The following GPATCH8 variants were observed in gnomAD, a reference collection of about 807,000 sequenced individuals.
GPATCH8 encodes G-patch domain containing 8, also known as G patch domain-containing protein 8.
Under a neutral mutation model 118.3 loss-of-function variants are expected in GPATCH8, and 18 were observed. The ratio of observed to expected loss-of-function variants is 0.15; its 90% confidence interval spans 0.11 to 0.23. The LOEUF (loss-of-function observed/expected upper bound fraction) is 0.23, where lower values mean the gene tolerates loss of function less well. GPATCH8 is among the 10% of genes least tolerant of loss of function. The pLI is 1.00. For missense variants in GPATCH8, 1,631 were observed against 1,873.8 expected, an observed-to-expected ratio of 0.87 and a Z score of 2.39; for synonymous variants, 659 against 684.7, an observed-to-expected ratio of 0.96 and a Z score of 0.59.
In GPATCH8 at chr17:44,428,447, C is replaced by T. The variant is rs148869645; in HGVS notation, c.349-3955G>A. On this transcript the variant is annotated intron_variant, in intron 5 of 7. Transcript: ENST00000591680. ...GGTGGAGGTTGCAATAAGCTGAGATCGCACCATTGCACTCTGGCCTGGGCA... is the reference window on the plus strand; with the variant it reads ...GGTGGAGGTTGCAATAAGCTGAGATTGCACCATTGCACTCTGGCCTGGGCA... Among the ~76,000 whole-genome samples, 14 of 151,060 alleles carry T rather than the reference C, an allele frequency of 9.3e-5. No individual in the cohort carries two copies. In the East Asian group the frequency reaches 2.4e-3, roughly 25 times the overall value.
chr17:44,463,104 A>G (rs899803620), intron 3 of GPATCH8, among the ~76,000 whole-genome samples: 2 of 152,028 alleles, frequency 1.3e-5, no homozygotes, highest in African/African-American at 4.8e-5. Context: ...TTAAAAGATC[A>G]AGACAGGGTC....
At chr17:44,496,943 A>AT (rs2144497240) in intron 1 of GPATCH8, among the ~76,000 whole-genome samples, 1 of 152,366 alleles carries the variant, frequency 6.6e-6, no homozygotes, top group East Asian at 1.9e-4. Flanking sequence ...GTGGAAAATT[A>AT]TTACAACATC....
intron 3 of GPATCH8, among the ~76,000 whole-genome samples, chr17:44,448,818 C>A: frequency 6.6e-6 from 1 of 151,062 alleles, no homozygotes; most frequent in Admixed American, 6.6e-5. Context: ...TTTAGTGTAA[C>A]CAATACATTT....
rs1340109683 is a variant in GPATCH8, at chr17:44,489,340, CCT to C, written c.45+13984_45+13985del. ...ACTCTGAATCCTTTTGTCCCCACCC[CCT>C]CTTTTTTGTTTTTTTTTTTTGAGAT... is the stretch of plus-strand genomic sequence containing the variant. On this transcript the variant is annotated intron_variant, in intron 1 of 7. Transcript: ENST00000591680. 5.3e-5 allele frequency among the ~76,000 whole-genome samples: 8 copies of C among 151,634 alleles called. No homozygotes were observed. In the East Asian group the frequency reaches 5.8e-4, roughly 11 times the overall value.
chr17:44,469,629 CTT>C (rs1205378590), intron 2 of GPATCH8, among the ~76,000 whole-genome samples: 4 of 152,170 alleles, frequency 2.6e-5, no homozygotes, highest in Admixed American at 2.6e-4. Context: ...TAGTAAGTCT[CTT>C]GAGTGGATTG....
Position 44,400,577 on chromosome 17 carries a change from C to G in GPATCH8, c.1500G>C (p.Gln500His). The G allele has an allele frequency of 1.2e-6, 2 of 1,614,162 alleles. No homozygotes were observed. The highest frequency in any genetic ancestry group is 1.7e-6 in the Non-Finnish European group (2 of 1,180,014). The change falls in exon 8 of 8, where the codon CAG becomes CAC. Residue 500 changes from glutamine (Q) to histidine (H), a missense_variant. Physicochemically the swap from Gln to His is conservative, Grantham distance 24. Around this residue, in one of 8 missense-constraint regions of GPATCH8, gnomAD observed 405 missense variants for 462.7 expected, o/e 0.88. Coordinates refer to ENST00000591680, the MANE Select transcript of GPATCH8 (RefSeq NM_001002909.4). The part of the protein sequence containing the change: ...VSDQSLESHS[Q>H]KVSETQMCES... ...CACACATTTGGGTCTCTGAAACCTT[C>G]TGACTATGACTTTCTAAACTCTGAT...
chr17:44,444,528 T>C (rs921253035), intron 3 of GPATCH8, among the ~76,000 whole-genome samples: 1 of 150,204 alleles, frequency 6.7e-6, no homozygotes, highest in Admixed American at 6.7e-5. Context: ...ATCCCAGCAC[T>C]GTGGGAGGCC....
Position 44,398,342 on chromosome 17 carries a change from G to C in GPATCH8, c.3735C>G (p.Pro1245=). ...CCAGGGTGTCCCCATCACTGGGGTC[G>C]GGGAGGTAGTTATGGGAGATGGTTG... ...GDPTISHNYL[P]DPSDGDTLES... Residue 1245 remains proline, a synonymous_variant, in exon 8 of 8, where the codon CCC becomes CCG. Transcript: ENST00000591680. 1 of 1,614,062 alleles carries C rather than the reference G, an allele frequency of 6.2e-7. No individual in the cohort carries two copies. Among genetic ancestry groups the C allele is most frequent in the Non-Finnish European group, 8.5e-7 (1 of 1,179,986 alleles).
At chr17:44,465,370 G>A (rs1010406992) in intron 2 of GPATCH8, 2 of 151,960 alleles carry the variant, frequency 1.3e-5, no homozygotes, top group East Asian at 3.8e-4. Flanking sequence ...GAGCACATTC[G>A]AAAAGGTATT....
At chr17:44,495,784 T>C (rs1969623992) in intron 1 of GPATCH8, among the ~76,000 whole-genome samples, 2 of 152,190 alleles carry the variant, frequency 1.3e-5, no homozygotes, top group South Asian at 4.1e-4. Context: ...CCTCATAATT[T>C]CACTCATAGC....
chr17:44,410,797 G>C (rs1365709395), intron 6 of GPATCH8, among the ~76,000 whole-genome samples: 1 of 152,080 alleles, frequency 6.6e-6, no homozygotes, highest in African/African-American at 2.4e-5. Flanking sequence ...ATGGTGGCTG[G>C]GATTTCCATT....
At chr17:44,473,960 AG>A (rs1967520801) in intron 2 of GPATCH8, among the ~76,000 whole-genome samples, 2 of 152,222 alleles carry the variant, frequency 1.3e-5, no homozygotes, top group South Asian at 2.1e-4. Flanking sequence ...CTGAGGAAGA[AG>A]CTAGTGTTTC....
Position 44,425,332 on chromosome 17 carries a change from A to C in GPATCH8, c.349-840T>G, listed in dbSNP as rs575146585. Among the ~76,000 whole-genome samples the C allele has an allele frequency of 1.6e-4, 25 of 152,326 alleles. No individual in the cohort carries two copies. In the East Asian group the frequency reaches 4.4e-3, roughly 27 times the overall value. On this transcript the variant is annotated intron_variant, in intron 5 of 7. Transcript: ENST00000591680. The stretch of plus-strand genomic sequence containing the variant: ...AAGTCTTATCTCAAAGACTATATCT[A>C]CAGTTTCAAAGCAGCTCTATCATCT...
At chr17:44,494,771 A>G (rs1185898503) in intron 1 of GPATCH8, among the ~76,000 whole-genome samples, 1 of 152,220 alleles carries the variant, frequency 6.6e-6, no homozygotes, top group East Asian at 1.9e-4. Context: ...TATAAGAAAG[A>G]GGGCTTTGAC....
intron 1 of GPATCH8, among the ~76,000 whole-genome samples, chr17:44,478,340 G>A (rs931426965): frequency 6.6e-6 from 1 of 152,132 alleles, no homozygotes; most frequent in African/African-American, 2.4e-5. Context: ...CACTCTACAG[G>A]TCTATACAAT....
intron 3 of GPATCH8, among the ~76,000 whole-genome samples, chr17:44,463,684 C>T (rs2051650085): frequency 1.3e-5 from 2 of 152,114 alleles, no homozygotes; most frequent in Admixed American, 6.6e-5. Context: ...CCGGCCAATT[C>T]CCATAATTTC....
At chr17:44,461,772 C>T (rs1005961973) in intron 3 of GPATCH8, among the ~76,000 whole-genome samples, 1 of 152,000 alleles carries the variant, frequency 6.6e-6, no homozygotes, top group Non-Finnish European at 1.5e-5. Context: ...AGGGTCACTG[C>T]AGCCTCAACC....
chr17:44,406,506 G>GGGGGT (rs377596219), intron 6 of GPATCH8, among the ~76,000 whole-genome samples: 6,509 of 69,214 alleles, frequency 0.094, 988 homozygotes, highest in East Asian at 0.18. Context: ...TGGGGGGGGG[G>GGGGGT]GGTTATTTAA....
intron 3 of GPATCH8, among the ~76,000 whole-genome samples, chr17:44,464,025 A>G (rs1269891008): frequency 6.6e-6 from 1 of 152,186 alleles, no homozygotes; most frequent in East Asian, 1.9e-4. Context: ...GCAGAGCAAA[A>G]GAGCCAGGGC....
Sources: allele counts gnomAD v4.1 joint callset (sites outside exome capture counted in the v4.1 genomes callset), GRCh38; gene constraint gnomAD v4.1.1; regional missense constraint gnomAD v4.1.1; transcripts MANE v1.5; gene names NCBI Gene and HGNC (gene_info 2026-07-23, HGNC 2026-07-21).